GANC: variants seen among roughly 807,000 people sequenced by gnomAD.
The protein encoded by GANC is neutral alpha-glucosidase C.
A neutral mutation model predicts 124.2 loss-of-function variants in GANC; 117 were observed. That is an observed-to-expected ratio of 0.94 (90% CI 0.81 to 1.10). GANC has a LOEUF of 1.10. GANC is among the 50% of genes least tolerant of loss of function. GANC has a pLI of 0.00. For synonymous variants in GANC, 377 were observed against 376.8 expected, an observed-to-expected ratio of 1.00 and a Z score of -0.01; for missense variants, 1,140 against 1,095.0, an observed-to-expected ratio of 1.04 and a Z score of -0.58.
chr15:42,343,514 C>T (rs1468880062), intron 19 of GANC: 1 of 201,244 alleles, frequency 5.0e-6, no homozygotes, highest in East Asian at 1.3e-4. Flanking sequence ...TGACTTTGCT[C>T]TTTGGTCTGG....
intron 6 of GANC, among the ~76,000 whole-genome samples, chr15:42,303,477 A>C (rs2051965559): frequency 6.6e-6 from 1 of 152,190 alleles, no homozygotes; most frequent in African/African-American, 2.4e-5. Flanking sequence ...CTAGTATCAT[A>C]ATGACAGGAT....
At chr15:42,327,632 T>G in intron 13 of GANC, 190 bp downstream of exon 13, 1 of 518,982 alleles carries the variant, frequency 1.9e-6, no homozygotes, top group Non-Finnish European at 3.4e-6. Context: ...CATAAGCAAA[T>G]GCACAAAACC....
intron 3 of GANC, among the ~76,000 whole-genome samples, chr15:42,286,547 A>C (rs1047180456): frequency 2.6e-5 from 4 of 152,238 alleles, no homozygotes; most frequent in African/African-American, 9.6e-5. Flanking sequence ...TTAAACATGC[A>C]AGCAGTAATT....
At chr15:42,310,197 G>A (rs1336987575) in intron 8 of GANC, 86 bp from the exon 9 acceptor site, 1 of 1,042,358 alleles carries the variant, frequency 9.6e-7, no homozygotes, top group African/African-American at 1.6e-5. Flanking sequence ...GGACCTAAGT[G>A]TTTAGAGAGA....
intron 4 of GANC, among the ~76,000 whole-genome samples, chr15:42,290,935 A>G (rs2051834678): frequency 6.6e-6 from 1 of 152,098 alleles, no homozygotes; most frequent in Non-Finnish European, 1.5e-5. Context: ...CCTCCTATAA[A>G]GGCAGGTGAA....
intron 6 of GANC, among the ~76,000 whole-genome samples, chr15:42,301,194 G>C (rs1305154954): frequency 6.6e-6 from 1 of 152,144 alleles, no homozygotes; most frequent in Non-Finnish European, 1.5e-5. Context: ...TAGAGAGTGG[G>C]TGCAGCCCAT....
At chr15:42,284,016 A>G in intron 3 of GANC, 1 of 702,202 alleles carries the variant, frequency 1.4e-6, no homozygotes, top group Non-Finnish European at 2.6e-6. Flanking sequence ...CTATTAGACC[A>G]TCCTCTGGAT....
At chr15:42,275,771 T>TC in intron 1 of GANC, among the ~76,000 whole-genome samples, 1 of 152,314 alleles carries the variant, frequency 6.6e-6, no homozygotes, top group African/African-American at 2.4e-5. Context: ...AAATTCCCCT[T>TC]CTACGTCTGT....
chr15:42,300,526 G>A (rs142383561), intron 6 of GANC, among the ~76,000 whole-genome samples: 165 of 152,276 alleles, frequency 1.1e-3, no homozygotes, highest in Non-Finnish European at 2.2e-3. Flanking sequence ...AGTCCATTGT[G>A]GAAGATGGTA....
chr15:42,311,025 C>G (rs192950691), intron 10 of GANC, among the ~76,000 whole-genome samples, 179 bp downstream of exon 10: 13 of 152,350 alleles, frequency 8.5e-5, no homozygotes, highest in African/African-American at 3.1e-4. Flanking sequence ...AAACATTGCA[C>G]TGGGTCTAGA....
chr15:42,353,576 C>T lies in GANC; in HGVS notation c.*1437C>T. Reference sequence around the variant, plus strand: ...CATGTTCTGTTTCTCTTCTGTCTGACAGAGCACTATTATACCTGACTTTCA... The same window carrying T: ...CATGTTCTGTTTCTCTTCTGTCTGATAGAGCACTATTATACCTGACTTTCA... On this transcript the variant is annotated 3_prime_UTR_variant, in exon 24 of 24. Coordinates refer to ENST00000318010, the MANE Select transcript of GANC (RefSeq NM_198141.3). 1 of 985,464 alleles carries T rather than the reference C, an allele frequency of 1.0e-6. No homozygotes were observed. Among genetic ancestry groups the T allele is most frequent in the Non-Finnish European group, 1.2e-6 (1 of 829,634 alleles). The allele number at this position is 985,464 out of a possible 1,614,324, so 61.0% of individuals were successfully genotyped here.
Position 42,339,795 on chromosome 15 carries a change from T to A in GANC, c.1970T>A (p.Leu657His). 1 of 1,614,018 alleles carries A rather than the reference T, an allele frequency of 6.2e-7. No homozygotes were observed. Among genetic ancestry groups the A allele is most frequent in the Non-Finnish European group, 8.5e-7 (1 of 1,179,992 alleles). Residue 657 changes from leucine (L) to histidine (H), a missense_variant, in exon 17 of 24, where the codon CTC becomes CAC. By Grantham distance (99) the Leu-to-His change is moderately conservative. Coordinates refer to ENST00000318010, the MANE Select transcript of GANC (RefSeq NM_198141.3). ...TMNTKRREPWLFGEEHTRLIR... is the reference protein window; with the variant it reads ...TMNTKRREPWHFGEEHTRLIR... Reference sequence around the variant, plus strand: ...AACACCAAGCGACGAGAGCCCTGGCTCTTTGGGGAGGAACACACCCGACTC... The same window carrying A: ...AACACCAAGCGACGAGAGCCCTGGCACTTTGGGGAGGAACACACCCGACTC...
At chr15:42,346,984 A>G (rs1257197969) in intron 20 of GANC, among the ~76,000 whole-genome samples, 1 of 152,222 alleles carries the variant, frequency 6.6e-6, no homozygotes, top group Non-Finnish European at 1.5e-5. Context: ...CAGATCTAGA[A>G]GAGAACTTAA....
intron 18 of GANC, among the ~76,000 whole-genome samples, chr15:42,341,466 A>G (rs1483122479): frequency 6.6e-6 from 1 of 152,178 alleles, no homozygotes; most frequent in Non-Finnish European, 1.5e-5. Context: ...AAGATTAACT[A>G]TCAAATCCAG....
At chr15:42,345,684 T>TA in intron 19 of GANC, 74 bp from the exon 20 acceptor site, 1 of 801,986 alleles carries the variant, frequency 1.2e-6, no homozygotes, top group East Asian at 2.5e-5. Flanking sequence ...GGTAAGTGGA[T>TA]ATTTTGCTGA....
chr15:42,319,702 C>T (rs897999470), intron 10 of GANC, among the ~76,000 whole-genome samples: 52 of 152,228 alleles, frequency 3.4e-4, no homozygotes, highest in African/African-American at 1.3e-3. Context: ...CGTTAAATGA[C>T]ATTTATTGTT....
intron 14 of GANC, 33 bp downstream of exon 14, chr15:42,329,482 G>C: frequency 1.3e-6 from 2 of 1,581,904 alleles, no homozygotes; most frequent in Middle Eastern, 1.7e-4. Flanking sequence ...AACTGGGCTT[G>C]TGTGACCCAC....
rs150922304 is a variant in GANC at position 42,292,933 on chromosome 15, A to C, written c.512+16A>C. ...ACAAACAAAGGTATTCTTATGCATT[A>C]CTTGACACATAAAGACCTTAACATA... is the stretch of plus-strand genomic sequence containing the variant. On this transcript the variant is annotated intron_variant, in intron 5 of 23. Coordinates refer to ENST00000318010, the MANE Select transcript of GANC (RefSeq NM_198141.3). The C allele has an allele frequency of 5.0e-5, 81 of 1,609,820 alleles. No homozygotes were observed. Among genetic ancestry groups the C allele is most frequent in the African/African-American group, 3.5e-4 (26 of 74,946 alleles).
At chr15:42,316,563 CTATT>C (rs1402525883) in intron 10 of GANC, among the ~76,000 whole-genome samples, 4 of 152,210 alleles carry the variant, frequency 2.6e-5, no homozygotes, top group Non-Finnish European at 5.9e-5. Context: ...AAGACTTTCA[CTATT>C]TATTCTACCG....
Sources: allele counts gnomAD v4.1 joint callset (sites outside exome capture counted in the v4.1 genomes callset), GRCh38; gene constraint gnomAD v4.1.1; transcripts MANE v1.5; gene names NCBI Gene and HGNC (gene_info 2026-07-23, HGNC 2026-07-21).